Variants in ZSWIM4 observed in about 807,000 individuals in gnomAD.
The protein encoded by ZSWIM4 is zinc finger SWIM domain-containing protein 4.
Under a neutral mutation model 102.5 loss-of-function variants are expected in ZSWIM4, and 62 were observed. That is an observed-to-expected ratio of 0.60 (90% confidence interval 0.49 to 0.75). The LOEUF (loss-of-function observed/expected upper bound fraction) is 0.75, where lower values mean the gene tolerates loss of function less well. Ranked by LOEUF, ZSWIM4 falls within the 30% of genes least tolerant of loss-of-function variation. The pLI is 0.00. For synonymous variants in ZSWIM4, 652 were observed against 674.5 expected, an observed-to-expected ratio of 0.97 and a Z score of 0.52; for missense variants, 1,280 against 1,529.6, an observed-to-expected ratio of 0.84 and a Z score of 2.72.
chr19:13,800,977 A>C (rs1974754317), intron 2 of ZSWIM4, among the ~76,000 whole-genome samples: 1 of 152,066 alleles, frequency 6.6e-6, no homozygotes, highest in African/African-American at 2.4e-5. Flanking sequence ...CCTTGTCTTC[A>C]CAAAAAAATC....
chr19:13,829,722 G>A (rs1172445120), intron 13 of ZSWIM4, among the ~76,000 whole-genome samples: 2 of 152,124 alleles, frequency 1.3e-5, no homozygotes, highest in Admixed American at 6.5e-5. Flanking sequence ...CTACTCAGGA[G>A]GCTGAGGCAG....
rs747770957 is a variant in ZSWIM4 at position 13,819,350 on chromosome 19, C to G, written c.1925-7C>G. On this transcript the variant is annotated splice_polypyrimidine_tract_variant and splice_region_variant and intron_variant, in intron 9 of 13. Transcript: ENST00000590508. The stretch of plus-strand genomic sequence containing the variant: ...ACTTGGGGACTGAGCTCAGGCTGTT[C>G]CTGCAGGGGGTCCCTTCAGTGGCTT... 5 of 1,613,716 alleles carry G rather than the reference C, an allele frequency of 3.1e-6. No homozygotes were observed. The highest frequency in any genetic ancestry group is 4.2e-6 in the Non-Finnish European group (5 of 1,179,842).
In ZSWIM4 at chr19:13,814,885, G is replaced by A. The variant is rs183064371; in HGVS notation, c.1531+20G>A. 6.0e-5 allele frequency: 73 copies of A among 1,210,688 alleles called. No homozygotes were observed. In the African/African-American group the frequency reaches 6.5e-4, roughly 11 times the overall value. The allele number at this position is 1,210,688 out of a possible 1,614,324, so 75.0% of individuals were successfully genotyped here. ...AAAAAGGTCAGCCTCAGCCGGGCAC[G>A]GGGGCTCGCACCTGTGATCCCAGCA... On this transcript the variant is annotated intron_variant, in intron 7 of 13. Transcript: ENST00000590508.
rs3745455 is a variant in ZSWIM4, at chr19:13,809,063, G to A, written c.862-7G>A. The stretch of plus-strand genomic sequence containing the variant: ...AGCCCTTCCTCACCACCCTGTCCCC[G>A]GCACAGGTGCGGGAGATGCTGCGAA... On this transcript the variant is annotated splice_polypyrimidine_tract_variant and splice_region_variant and intron_variant, in intron 4 of 13. Coordinates refer to ENST00000590508, the MANE Select transcript of ZSWIM4 (RefSeq NM_001367834.3). The surrounding 1 kb of genome is among the most constrained non-coding windows in gnomAD (Gnocchi z 4.2). The A allele has an allele frequency of 6.2e-6, 10 of 1,611,276 alleles. No individual in the cohort carries two copies. Among genetic ancestry groups the A allele is most frequent in the Non-Finnish European group, 8.5e-6 (10 of 1,178,194 alleles).
At chr19:13,821,509 C>CA (rs1377428343) in intron 10 of ZSWIM4, among the ~76,000 whole-genome samples, 3 of 152,112 alleles carry the variant, frequency 2.0e-5, no homozygotes, top group African/African-American at 7.2e-5. Context: ...ATTGCCACTG[C>CA]ACGCCAGCCT....
intron 10 of ZSWIM4, 24 bp from the exon 11 acceptor site, chr19:13,823,322 T>C (rs1975517053): frequency 6.2e-7 from 1 of 1,602,874 alleles, no homozygotes; most frequent in Middle Eastern, 1.8e-4. Context: ...CTCCTCACCA[T>C]GGCTCACTTC....
intron 6 of ZSWIM4, 57 bp downstream of exon 6, chr19:13,813,221 C>A: frequency 1.4e-6 from 2 of 1,392,872 alleles, no homozygotes; most frequent in Middle Eastern, 1.8e-4. Context: ...TAACTGTGGC[C>A]CCACTTACCA....
chr19:13,817,004 G>A (rs984545834), intron 7 of ZSWIM4, among the ~76,000 whole-genome samples: 5 of 152,178 alleles, frequency 3.3e-5, no homozygotes, highest in African/African-American at 1.2e-4. Context: ...GAGCTCCAGA[G>A]GCTGCAGTGA....
At position 13,807,021 on chromosome 19, in the gene ZSWIM4, T is replaced by C. The variant is rs1207343272; in HGVS notation, c.713-1815T>C. Among the ~76,000 whole-genome samples the C allele has an allele frequency of 5.3e-5, 8 of 152,016 alleles. No homozygotes were observed. In the South Asian group the frequency reaches 1.0e-3, roughly 20 times the overall value. On this transcript the variant is annotated intron_variant, in intron 3 of 13. Coordinates refer to ENST00000590508, the MANE Select transcript of ZSWIM4 (RefSeq NM_001367834.3). ...TTAATGGAAGCATAGAGAGTTAGGA[T>C]TAGTTATTGGGTGATAACTAATAGT...
chr19:13,812,277 G>T (rs1975117353), intron 5 of ZSWIM4, among the ~76,000 whole-genome samples: 2 of 151,602 alleles, frequency 1.3e-5, no homozygotes, highest in Admixed American at 6.6e-5. Context: ...TGGTTTTTTT[G>T]TTTGTTTGTT....
Position 13,817,363 on chromosome 19 carries a change from T to G in ZSWIM4, c.1669+10T>G, listed in dbSNP as rs754056693. 6.8e-6 allele frequency: 11 copies of G among 1,608,866 alleles called. No individual in the cohort carries two copies. The East Asian group carries it at 1.8e-4, about 26-fold the overall frequency. ...CTTACCCTTTACCCAGGTACTCACA[T>G]GGGGTACTCTTGGAGGAGGTGGGAC... is the stretch of plus-strand genomic sequence containing the variant. On this transcript the variant is annotated intron_variant, in intron 8 of 13. Coordinates refer to ENST00000590508, the MANE Select transcript of ZSWIM4 (RefSeq NM_001367834.3).
At chr19:13,817,117 T>C (rs772815892) in intron 7 of ZSWIM4, 99 bp from the exon 8 acceptor site, 20 of 1,469,284 alleles carry the variant, frequency 1.4e-5, no homozygotes, top group Non-Finnish European at 1.6e-5. Context: ...GTGGGCATTA[T>C]GGGGCTAGGC....
rs1324086864 is a variant in ZSWIM4, at chr19:13,817,907, CTGGAGGAGG to C, written c.1861_1869del (p.Glu621_Glu623del). 6.5e-7 allele frequency: 1 copy of C among 1,548,158 alleles called. No individual in the cohort carries two copies. The highest frequency in any genetic ancestry group is 1.2e-5 in the South Asian group (1 of 83,694). On this transcript the variant is annotated inframe_deletion, in exon 9 of 14. Transcript: ENST00000590508. Reference sequence around the variant, plus strand: ...CAACGAGGAGCAGCTGCTGGCCCTGCTGGAGGAGGTGGAGTTGGATGAGCGGTTGGTGCA... The same window carrying C: ...CAACGAGGAGCAGCTGCTGGCCCTGCTGGAGTTGGATGAGCGGTTGGTGCA...
In ZSWIM4 at chr19:13,814,731, C is replaced by T; in HGVS notation, c.1397C>T (p.Thr466Ile). ...RPLWLGEPFP[T>I]ACARVDTLRA... is the part of the protein sequence containing the mutation. ...CTGTGGCTGGGAGAACCTTTCCCCA[C>T]TGCCTGTGCCCGTGTGGACACCCTG... Residue 466 changes from threonine (T) to isoleucine (I), a missense_variant, in exon 7 of 14, where the codon ACT (threonine) becomes ATT (isoleucine). Coordinates refer to ENST00000590508, the MANE Select transcript of ZSWIM4 (RefSeq NM_001367834.3). 7.8e-7 allele frequency: 1 copy of T among 1,288,788 alleles called. No individual in the cohort carries two copies. The highest frequency in any genetic ancestry group is 1.0e-6 in the Non-Finnish European group (1 of 988,064). 79.8% of individuals were successfully genotyped at this position (1,288,788 alleles called of 1,614,324 possible). A position where few individuals can be genotyped will look rare whatever the true frequency, so the allele number is the denominator to read the frequency against.
At chr19:13,828,362 C>T (rs1319046149) in intron 12 of ZSWIM4, among the ~76,000 whole-genome samples, 2 of 151,786 alleles carry the variant, frequency 1.3e-5, no homozygotes, top group Admixed American at 6.6e-5. Flanking sequence ...GAGCCAAGAT[C>T]GCACCACTGC....
chr19:13,801,409 G>A (rs1172274806), intron 2 of ZSWIM4, among the ~76,000 whole-genome samples: 2 of 152,332 alleles, frequency 1.3e-5, no homozygotes, highest in East Asian at 1.9e-4. Context: ...AGCCAGCAGT[G>A]AGAGGAGGCT....
rs377762289 is a variant in ZSWIM4, at chr19:13,809,313, C to T, written c.1012+93C>T. Reference sequence around the variant, plus strand: ...AAGATTAGGGTCTGTTCCCTGAATCCGCCCTCCATTCGTTTGGCAAACATT... The same window carrying T: ...AAGATTAGGGTCTGTTCCCTGAATCTGCCCTCCATTCGTTTGGCAAACATT... On this transcript the variant is annotated intron_variant, in intron 5 of 13. Coordinates refer to ENST00000590508, the MANE Select transcript of ZSWIM4 (RefSeq NM_001367834.3). The surrounding 1 kb of genome is among the most constrained non-coding windows in gnomAD (Gnocchi z 4.2). 3.6e-5 allele frequency: 53 copies of T among 1,465,744 alleles called. No homozygotes were observed. Among genetic ancestry groups the T allele is most frequent in the African/African-American group, 4.2e-5 (3 of 70,818 alleles). 90.8% of individuals were successfully genotyped at this position (1,465,744 alleles called of 1,614,324 possible).
In ZSWIM4 at chr19:13,808,855, C is replaced by CGGCGCA. The variant is rs753940841; in HGVS notation, c.735_740dup (p.Ala246_Gly247dup). ...CGGCAGGTGCCCCAGACCCCACCGC[C>CGGCGCA]GGCGCAGGAATCGAGGACGCCAACT... is the stretch of plus-strand genomic sequence containing the variant. On this transcript the variant is annotated inframe_insertion, in exon 4 of 14. Transcript: ENST00000590508. 6.2e-7 allele frequency: 1 copy of CGGCGCA among 1,608,924 alleles called. No homozygotes were observed. The highest frequency in any genetic ancestry group is 1.1e-5 in the South Asian group (1 of 90,184).
At chr19:13,796,744 CCT>C (rs1342944912) in intron 1 of ZSWIM4, 13 of 152,268 alleles carry the variant, frequency 8.5e-5, no homozygotes, top group African/African-American at 3.1e-4. Flanking sequence ...CTTTAAGTCC[CCT>C]TTTTCAGCTT....
Sources: gnomAD v4.1 joint callset for allele counts (sites outside exome capture counted in the v4.1 genomes callset) on GRCh38, gnomAD v4.1.1 for gene constraint, Gnocchi (gnomAD v3.1) non-coding constraint, MANE v1.5 for transcripts, NCBI Gene and HGNC (gene_info 2026-07-23, HGNC 2026-07-21) for gene names.